CACNA2D3: variants seen among roughly 807,000 people sequenced by gnomAD.
CACNA2D3 encodes calcium voltage-gated channel auxiliary subunit alpha2delta 3.
A neutral mutation model predicts 160.6 loss-of-function variants in CACNA2D3; 60 were observed. The ratio of observed to expected loss-of-function variants is 0.37; its 90% CI spans 0.30 to 0.46. CACNA2D3 has a LOEUF of 0.46. CACNA2D3 is among the 20% of genes least tolerant of loss of function. CACNA2D3 has a pLI of 1.00. For missense variants in CACNA2D3, 1,205 were observed against 1,365.0 expected (o/e 0.88, Z 1.85); for synonymous variants, 558 against 492.9 (o/e 1.13, Z -1.75).
intron 3 of CACNA2D3, among the ~76,000 whole-genome samples, chr3:54,386,245 A>G (rs1023499360): frequency 5.3e-5 from 8 of 152,242 alleles, no homozygotes; most frequent in African/African-American, 1.9e-4. Context: ...AGAACTGGGT[A>G]CAGAAAGAAT....
chr3:54,948,354 G>A (rs1006634655), intron 27 of CACNA2D3, among the ~76,000 whole-genome samples: 1 of 152,136 alleles, frequency 6.6e-6, no homozygotes, highest in Non-Finnish European at 1.5e-5. Flanking sequence ...CTTGATAATT[G>A]TCATTAGAAA....
chr3:54,599,480 T>C (rs1703023829), intron 9 of CACNA2D3, among the ~76,000 whole-genome samples: 1 of 152,210 alleles, frequency 6.6e-6, no homozygotes, highest in South Asian at 2.1e-4. Context: ...GTGTAACACA[T>C]TAACCCACAT....
At chr3:54,561,009 G>C (rs1433697435) in intron 5 of CACNA2D3, among the ~76,000 whole-genome samples, 1 of 152,224 alleles carries the variant, frequency 6.6e-6, no homozygotes, top group Non-Finnish European at 1.5e-5. Flanking sequence ...GTCAGATACT[G>C]TGATGCCTCT....
At chr3:54,727,160 T>C (rs896922049) in intron 11 of CACNA2D3, among the ~76,000 whole-genome samples, 44 of 152,214 alleles carry the variant, frequency 2.9e-4, no homozygotes, top group Non-Finnish European at 5.3e-4. Flanking sequence ...GAAAAAATGC[T>C]CATCATCACT....
In CACNA2D3 at chr3:54,636,923, AAG is replaced by A. The variant is rs1428192049; in HGVS notation, c.1054-5200_1054-5199del. On this transcript the variant is annotated intron_variant, in intron 10 of 37. Transcript: ENST00000474759. ...GTCAGGGTGAGTCTAAGTGAAAGCA[AAG>A]AGAGGCTGGGATGAAGGGTGCAAAG... 1.4e-4 allele frequency among the ~76,000 whole-genome samples: 22 copies of A among 152,118 alleles called. 1 individual carries two copies. Among genetic ancestry groups the A allele is most frequent in the Middle Eastern group, 6.8e-3 (2 of 294 alleles).
chr3:54,307,613 C>T (rs559762546), intron 2 of CACNA2D3, among the ~76,000 whole-genome samples: 1 of 152,316 alleles, frequency 6.6e-6, no homozygotes, highest in Admixed American at 6.5e-5. Context: ...CATAAACCAG[C>T]GTCTCTTTAC....
intron 2 of CACNA2D3, among the ~76,000 whole-genome samples, chr3:54,199,282 C>G (rs780652769): frequency 2.2e-4 from 33 of 152,160 alleles, no homozygotes; most frequent in Non-Finnish European, 5.9e-5. Flanking sequence ...TGAAGCAGTT[C>G]TAAGTCATCT....
intron 4 of CACNA2D3, among the ~76,000 whole-genome samples, chr3:54,475,630 A>G (rs751823187): frequency 1.3e-5 from 2 of 152,152 alleles, no homozygotes; most frequent in African/African-American, 4.8e-5. Flanking sequence ...GCTGTCTACA[A>G]TCAGCCTTGC....
chr3:54,874,536 G>GA (rs1327327720), intron 18 of CACNA2D3: 1 of 152,012 alleles, frequency 6.6e-6, no homozygotes, highest in Non-Finnish European at 1.5e-5. Context: ...ATTATTAATA[G>GA]AAAAAAACTC....
chr3:55,053,243 G>T (rs1435243585), intron 35 of CACNA2D3, among the ~76,000 whole-genome samples: 1 of 151,878 alleles, frequency 6.6e-6, no homozygotes, highest in Non-Finnish European at 1.5e-5. Flanking sequence ...TTATGTAAAT[G>T]GAATCATACA....
intron 4 of CACNA2D3, among the ~76,000 whole-genome samples, chr3:54,451,232 T>A (rs7630540): frequency 0.013 from 428 of 34,134 alleles, 7 homozygotes; most frequent in African/African-American, 0.045. Context: ...TAATAATCTT[T>A]TTTTTTTTTT....
intron 2 of CACNA2D3, among the ~76,000 whole-genome samples, chr3:54,288,621 AAAG>A (rs1340083530): frequency 1.3e-5 from 2 of 152,184 alleles, no homozygotes; most frequent in Non-Finnish European, 2.9e-5. Flanking sequence ...CACAACCAAA[AAAG>A]AGAATTTTAG....
intron 2 of CACNA2D3, among the ~76,000 whole-genome samples, chr3:54,134,321 T>C (rs1347507563): frequency 1.3e-5 from 2 of 152,092 alleles, no homozygotes; most frequent in Non-Finnish European, 2.9e-5. Context: ...AGCTAGACCT[T>C]AAATTTCCCC....
intron 3 of CACNA2D3, among the ~76,000 whole-genome samples, chr3:54,368,465 GA>G (rs1698863407): frequency 6.6e-6 from 1 of 152,134 alleles, no homozygotes; most frequent in Admixed American, 6.5e-5. Flanking sequence ...GAGAAGGGGA[GA>G]GGGGCAGAGA....
intron 4 of CACNA2D3, among the ~76,000 whole-genome samples, chr3:54,470,775 T>C (rs528537015): frequency 1.6e-4 from 24 of 152,114 alleles, no homozygotes; most frequent in Non-Finnish European, 3.1e-4. Flanking sequence ...TAGTCTCTGA[T>C]AAAACAGACT....
chr3:54,165,789 C>G (rs6803836), intron 2 of CACNA2D3, among the ~76,000 whole-genome samples: 9,840 of 152,012 alleles, frequency 0.065, 1,023 homozygotes, highest in African/African-American at 0.22. Context: ...CAGAATGAGA[C>G]CCTGTCTCTA....
intron 3 of CACNA2D3, 53 bp downstream of exon 3, chr3:54,320,611 C>T: frequency 1.1e-6 from 1 of 879,184 alleles, no homozygotes; most frequent in Non-Finnish European, 1.7e-6. Context: ...AAGGCAGCTT[C>T]AGGGGATGGC....
intron 3 of CACNA2D3, among the ~76,000 whole-genome samples, chr3:54,364,029 A>G (rs969434391): frequency 6.6e-6 from 1 of 152,152 alleles, no homozygotes; most frequent in Non-Finnish European, 1.5e-5. Context: ...TCCACTTTTG[A>G]GAACATGATT....
At chr3:54,821,099 C>T (rs974944428) in intron 14 of CACNA2D3, among the ~76,000 whole-genome samples, 1 of 152,146 alleles carries the variant, frequency 6.6e-6, no homozygotes, top group African/African-American at 2.4e-5. Context: ...CTGCTGCATC[C>T]ACACAACTTT....
Sources: allele counts gnomAD v4.1 joint callset (sites outside exome capture counted in the v4.1 genomes callset), GRCh38; gene constraint gnomAD v4.1.1; transcripts MANE v1.5; gene names NCBI Gene and HGNC (gene_info 2026-07-23, HGNC 2026-07-21).